Variants in DLGAP1 observed in about 807,000 individuals in gnomAD.
DLGAP1 encodes the protein disks large-associated protein 1.
Under a neutral mutation model 90.8 loss-of-function variants are expected in DLGAP1, and 11 were observed. That is an observed-to-expected ratio of 0.12 (90% CI 0.08 to 0.20). The LOEUF is 0.20. Ranked by LOEUF, DLGAP1 falls within the 10% of genes least tolerant of loss-of-function variation. The pLI, the probability that DLGAP1 is intolerant of heterozygous loss-of-function variation, is 1.00. For missense variants in DLGAP1, 1,050 were observed against 1,333.8 expected (o/e 0.79, Z 3.31); for synonymous variants, 558 against 540.7 (o/e 1.03, Z -0.44).
intron 2 of DLGAP1, among the ~76,000 whole-genome samples, chr18:4,121,264 G>A (rs2076149085): frequency 6.6e-6 from 1 of 152,072 alleles, no homozygotes; most frequent in Admixed American, 6.5e-5. Flanking sequence ...AGGGTGTGCA[G>A]GAACTCAAGG....
At chr18:3,554,323 G>A (rs543255623) in intron 9 of DLGAP1, among the ~76,000 whole-genome samples, 66 of 152,318 alleles carry the variant, frequency 4.3e-4, no homozygotes, top group African/African-American at 1.5e-3. Flanking sequence ...GCAAACACAT[G>A]CTATGTGTGT....
rs372855655 is a variant in DLGAP1, at chr18:3,519,692, G to A, written c.2480-11031C>T. ...TAGTGCCTTTATTAAAGGACTCAAG[G>A]TTGAAGGGACCGCCTCTTGCCCTTC... On this transcript the variant is annotated intron_variant, in intron 10 of 12. Transcript: ENST00000315677. 4.6e-5 allele frequency among the ~76,000 whole-genome samples: 7 copies of A among 152,272 alleles called. No homozygotes were observed. The East Asian group carries it at 1.4e-3, about 29-fold the overall frequency.
At chr18:3,580,383 T>C (rs1169427669) in intron 8 of DLGAP1, 3 of 1,613,924 alleles carry the variant, frequency 1.9e-6, no homozygotes, top group Non-Finnish European at 2.5e-6. Flanking sequence ...CAGAGCCACA[T>C]ACCTAAGCAC....
intron 1 of DLGAP1, among the ~76,000 whole-genome samples, chr18:4,433,005 T>C (rs1030455836): frequency 6.6e-6 from 1 of 152,154 alleles, no homozygotes; most frequent in African/African-American, 2.4e-5. Context: ...CACCCTAGGA[T>C]ATAAATTTTT....
intron 2 of DLGAP1, among the ~76,000 whole-genome samples, chr18:4,037,853 G>A (rs369734978): frequency 3.3e-5 from 5 of 152,134 alleles, no homozygotes; most frequent in South Asian, 2.1e-4. Flanking sequence ...CCAGCTACTC[G>A]GGAGGCTGAG....
chr18:3,552,966 T>G (rs1300615213), intron 9 of DLGAP1, among the ~76,000 whole-genome samples: 1 of 23,230 alleles, frequency 4.3e-5, no homozygotes, highest in African/African-American at 6.8e-5. Context: ...AATTTTGCTG[T>G]TTTTTTTTTT....
chr18:3,977,432 G>GTTTTTTTTTTT (rs1467413382), intron 3 of DLGAP1, among the ~76,000 whole-genome samples: 2 of 52,752 alleles, frequency 3.8e-5, no homozygotes, highest in African/African-American at 1.7e-4. Flanking sequence ...TGTTTATTCT[G>GTTTTTTTTTTT]TGTTTTTTTT....
At chr18:4,108,499 A>G (rs1248354307) in intron 2 of DLGAP1, among the ~76,000 whole-genome samples, 3 of 151,816 alleles carry the variant, frequency 2.0e-5, no homozygotes, top group Non-Finnish European at 4.4e-5. Flanking sequence ...TTGGATGAGG[A>G]AAAGGTATTA....
intron 1 of DLGAP1, among the ~76,000 whole-genome samples, chr18:4,180,245 C>A (rs1310206806): frequency 1.3e-5 from 2 of 152,196 alleles, no homozygotes; most frequent in African/African-American, 4.8e-5. Flanking sequence ...TGTTCCCCAG[C>A]ACTCCTGACA....
At chr18:4,028,716 TC>T (rs1240915432) in intron 2 of DLGAP1, among the ~76,000 whole-genome samples, 3 of 152,178 alleles carry the variant, frequency 2.0e-5, no homozygotes, top group Non-Finnish European at 4.4e-5. Flanking sequence ...AGATGAGGCA[TC>T]AGTGTAATTA....
chr18:3,718,276 T>C (rs1018470846), intron 7 of DLGAP1, among the ~76,000 whole-genome samples: 4 of 151,746 alleles, frequency 2.6e-5, no homozygotes, highest in African/African-American at 9.7e-5. Flanking sequence ...CTGGCCAAGA[T>C]GGTGAAACCC....
At chr18:3,596,272 G>T (rs2145634808) in intron 7 of DLGAP1, among the ~76,000 whole-genome samples, 1 of 152,018 alleles carries the variant, frequency 6.6e-6, no homozygotes, top group South Asian at 2.1e-4. Flanking sequence ...CGATTCTCCT[G>T]CCTCAGCCTC....
At chr18:4,024,068 T>C (rs1395041065) in intron 2 of DLGAP1, among the ~76,000 whole-genome samples, 1 of 152,212 alleles carries the variant, frequency 6.6e-6, no homozygotes, top group Non-Finnish European at 1.5e-5. Context: ...TCAAAAGCTT[T>C]GAAAAATTAT....
chr18:3,756,776 T>C (rs1231450774), intron 5 of DLGAP1, among the ~76,000 whole-genome samples: 2 of 152,088 alleles, frequency 1.3e-5, no homozygotes, highest in Admixed American at 6.5e-5. Context: ...GGAAACATTA[T>C]GACTGACATC....
intron 2 of DLGAP1, among the ~76,000 whole-genome samples, chr18:4,015,302 T>G (rs2074502777): frequency 6.6e-6 from 1 of 152,084 alleles, no homozygotes; most frequent in African/African-American, 2.4e-5. Flanking sequence ...AATCAATTGG[T>G]AGTGAAGACC....
chr18:4,009,616 T>G (rs1029281936), intron 2 of DLGAP1, among the ~76,000 whole-genome samples: 1 of 152,176 alleles, frequency 6.6e-6, no homozygotes, highest in Admixed American at 6.5e-5. Flanking sequence ...CAGGATAGGG[T>G]TCTCTTCCTC....
At chr18:3,972,033 C>T (rs368788906) in intron 3 of DLGAP1, among the ~76,000 whole-genome samples, 4 of 152,240 alleles carry the variant, frequency 2.6e-5, no homozygotes, top group East Asian at 3.9e-4. Context: ...GGTCATTTAA[C>T]GGTGTCCAAC....
chr18:4,298,274 T>G (rs538859683), intron 1 of DLGAP1, among the ~76,000 whole-genome samples: 2 of 152,244 alleles, frequency 1.3e-5, no homozygotes, highest in South Asian at 4.2e-4. Context: ...AAAGAAAATT[T>G]GCGTATACAC....
At chr18:3,739,008 A>C (rs1199315780) in intron 6 of DLGAP1, among the ~76,000 whole-genome samples, 132 of 150,980 alleles carry the variant, frequency 8.7e-4, no homozygotes, top group African/African-American at 3.1e-3. Context: ...TTATGCAGTC[A>C]AAAAACACAT....
Sources: gnomAD v4.1 joint callset for allele counts (sites outside exome capture counted in the v4.1 genomes callset) on GRCh38, gnomAD v4.1.1 for gene constraint, MANE v1.5 for transcripts, NCBI Gene and HGNC (gene_info 2026-07-23, HGNC 2026-07-21) for gene names.